The following FLNB variants were observed in gnomAD, a reference collection of about 807,000 sequenced individuals.
The protein encoded by FLNB is filamin B.
Under a neutral mutation model 250.6 loss-of-function variants are expected in FLNB, and 111 were observed. That is an observed-to-expected ratio of 0.44 (90% CI 0.38 to 0.52). The LOEUF (loss-of-function observed/expected upper bound fraction) is 0.52. FLNB is among the 20% of genes least tolerant of loss of function. The pLI is 0.00. For synonymous variants in FLNB, 1,302 were observed against 1,372.1 expected, an observed-to-expected ratio of 0.95 and a Z score of 1.13; for missense variants, 2,869 against 3,447.8, an observed-to-expected ratio of 0.83 and a Z score of 4.20.
intron 36 of FLNB, 134 bp from the exon 37 acceptor site, chr3:58,149,716 G>A (rs897837624): frequency 6.9e-6 from 8 of 1,151,242 alleles, no homozygotes; most frequent in Non-Finnish European, 5.1e-6. Flanking sequence ...CTTTGCAAAC[G>A]AGGCCGCCAT....
At chr3:58,056,288 G>C (rs1264238274) in intron 1 of FLNB, among the ~76,000 whole-genome samples, 1 of 151,500 alleles carries the variant, frequency 6.6e-6, no homozygotes, top group African/African-American at 2.4e-5. Context: ...TTTTAATAGA[G>C]GTGGGGGTTT....
Position 58,031,638 on chromosome 3 carries a change from A to C in FLNB, c.292+22782A>C, listed in dbSNP as rs1365212976. Among the ~76,000 whole-genome samples the C allele has an allele frequency of 4.1e-5, 4 of 98,702 alleles. No individual in the cohort carries two copies. The Admixed American group carries it at 5.3e-4, about 13-fold the overall frequency. 64.8% of individuals were successfully genotyped at this position (98,702 alleles called of 152,430 possible). The stretch of plus-strand genomic sequence containing the variant: ...CTGATAATGGCTCACTGCAGCTTCC[A>C]CCTCCCAGGCTCAAGCAATCCTCCC... On this transcript the variant is annotated intron_variant, in intron 1 of 45. Coordinates refer to ENST00000295956, the MANE Select transcript of FLNB (RefSeq NM_001457.4).
chr3:58,132,611 G>A (rs1432790812), intron 25 of FLNB, 197 bp from the exon 26 acceptor site: 7 of 671,548 alleles, frequency 1.0e-5, no homozygotes, highest in Non-Finnish European at 1.6e-5. Context: ...GGTGTCTCTC[G>A]GGGTCATTTC....
At chr3:58,150,700 T>A in intron 38 of FLNB, 1 of 215,256 alleles carries the variant, frequency 4.6e-6, no homozygotes, top group South Asian at 7.5e-5. Context: ...GGTGAATTGT[T>A]CTTCTTGGGC....
intron 13 of FLNB, 109 bp from the exon 14 acceptor site, chr3:58,109,070 T>C: frequency 7.5e-7 from 1 of 1,329,390 alleles, no homozygotes; most frequent in South Asian, 1.2e-5. Context: ...CCATGAAGTT[T>C]TGTTGTATAA....
chr3:58,093,700 G>C (rs1001564067), intron 4 of FLNB, among the ~76,000 whole-genome samples: 17 of 152,016 alleles, frequency 1.1e-4, no homozygotes, highest in Admixed American at 3.9e-4. Flanking sequence ...ATTGGTAAGA[G>C]ACAACTAGAA....
intron 1 of FLNB, among the ~76,000 whole-genome samples, chr3:58,020,048 GGTGTGTGTGTGTGTGTGTGTGTGTGT>G (rs373280518): frequency 8.8e-5 from 12 of 136,904 alleles, no homozygotes; most frequent in Non-Finnish European, 1.6e-4. Context: ...ACACCACAGG[GGTGTGTGTGTGTGTGTGTGTGTGTGT>G]GTGTGTGTGT....
At chr3:58,141,411 C>T (rs943045869) in intron 29 of FLNB, among the ~76,000 whole-genome samples, 8 of 152,206 alleles carry the variant, frequency 5.3e-5, no homozygotes, top group Admixed American at 2.0e-4. Context: ...ATACTGCTTT[C>T]GCACCTTGCT....
At chr3:58,071,274 CTTTTTTT>C (rs57488190) in intron 1 of FLNB, among the ~76,000 whole-genome samples, 1,775 of 81,712 alleles carry the variant, frequency 0.022, 42 homozygotes, top group African/African-American at 0.099. Context: ...CTCCTCGATT[CTTTTTTT>C]TTTTTTTTTT....
chr3:58,123,511 T>G lies in FLNB; in HGVS notation c.3545T>G (p.Ile1182Ser). The G allele has an allele frequency of 6.2e-7, 1 of 1,604,360 alleles. No homozygotes were observed. The highest frequency in any genetic ancestry group is 8.5e-7 in the Non-Finnish European group (1 of 1,174,894). Residue 1182 changes from isoleucine (I) to serine (S), a missense_variant, in exon 21 of 46, where the codon ATT (isoleucine) becomes AGT (serine). Physicochemically the swap from Ile to Ser is moderately radical, Grantham distance 142 (BLOSUM62 -2). This residue lies in a region of FLNB where 1,348 missense variants were observed against 1,466.7 expected (regional missense o/e 0.92). Transcript: ENST00000295956. ...SDSGTKAEVS[I>S]QNNKDGTYAV... Reference sequence around the variant, plus strand: ...TCGGGAACAAAAGCCGAAGTCAGTATTCAGAACAACAAAGATGGCACCTAC... The same window carrying G: ...TCGGGAACAAAAGCCGAAGTCAGTAGTCAGAACAACAAAGATGGCACCTAC...
chr3:58,121,537 A>T, intron 20 of FLNB, 34 bp downstream of exon 20: 1 of 1,611,704 alleles, frequency 6.2e-7, no homozygotes, highest in Non-Finnish European at 8.5e-7. Context: ...AACTTGTCTC[A>T]TTGCTGTCAA....
rs556885408 is a variant in FLNB at position 58,101,449 on chromosome 3, C to T, written c.1346-754C>T. Among the ~76,000 whole-genome samples the T allele has an allele frequency of 1.6e-4, 25 of 152,310 alleles. No individual in the cohort carries two copies. The South Asian group carries it at 4.8e-3, about 29-fold the overall frequency. ...GGTATCTTTTATCAACCTCTAGATA[C>T]CATGGAACAGTAGTTCTGTGGACAT... On this transcript the variant is annotated intron_variant, in intron 8 of 45. Transcript: ENST00000295956.
rs2097296427 is a variant in FLNB, at chr3:58,125,619, A to G, written c.3937A>G (p.Ile1313Val). The stretch of plus-strand genomic sequence containing the variant: ...GGAGGTGACATATGATGACGTGCCT[A>G]TCCCAAACAGTCCCTTCAAGGTGGC... ...VVEVTYDDVP[I>V]PNSPFKVAVT... The change falls in exon 23 of 46, where the codon ATC becomes GTC. Residue 1313 changes from isoleucine (I) to valine (V), a missense_variant. Physicochemically the swap from Ile to Val is conservative, Grantham distance 29. Around this residue, in one of 5 missense-constraint regions of FLNB, gnomAD observed 1,348 missense variants for 1,466.7 expected, o/e 0.92. Coordinates refer to ENST00000295956, the MANE Select transcript of FLNB (RefSeq NM_001457.4). 6 of 1,614,192 alleles carry G rather than the reference A, an allele frequency of 3.7e-6. No homozygotes were observed. The highest frequency in any genetic ancestry group is 4.2e-6 in the Non-Finnish European group (5 of 1,180,046).
chr3:58,068,378 G>C (rs760900289), intron 1 of FLNB, among the ~76,000 whole-genome samples: 5 of 152,182 alleles, frequency 3.3e-5, no homozygotes, highest in Non-Finnish European at 5.9e-5. Flanking sequence ...GGGCCTCTGG[G>C]GTACCTGAGC....
intron 1 of FLNB, among the ~76,000 whole-genome samples, chr3:58,034,955 C>T (rs1191794578): frequency 6.6e-6 from 1 of 152,208 alleles, no homozygotes; most frequent in African/African-American, 2.4e-5. Context: ...CACATCTCAG[C>T]CCACCACTGG....
intron 1 of FLNB, among the ~76,000 whole-genome samples, chr3:58,065,342 T>C (rs533942424): frequency 6.6e-6 from 1 of 152,312 alleles, no homozygotes; most frequent in South Asian, 2.1e-4. Context: ...ATGGGAGTCA[T>C]AACTGAACTC....
intron 1 of FLNB, among the ~76,000 whole-genome samples, chr3:58,015,131 G>T (rs537354515): frequency 2.6e-5 from 4 of 152,178 alleles, no homozygotes; most frequent in East Asian, 1.9e-4. Context: ...ATTCTAATCC[G>T]CACTCTGCCT....
Position 58,106,769 on chromosome 3 carries a change from C to T in FLNB, c.1837C>T (p.Pro613Ser). The part of the protein sequence containing the change: ...SCDVKYWPKE[P>S]GEYAVHIMCD... ...TGATGTCAAATACTGGCCCAAGGAG[C>T]CTGGCGAATATGCTGTTCACATCAT... The change falls in exon 12 of 46, where the codon CCT becomes TCT. Residue 613 changes from proline (P) to serine (S), a missense_variant. This residue lies in a region of FLNB where 1,348 missense variants were observed against 1,466.7 expected (regional missense o/e 0.92). Coordinates refer to ENST00000295956, the MANE Select transcript of FLNB (RefSeq NM_001457.4). The T allele has an allele frequency of 6.2e-7, 1 of 1,614,136 alleles. No individual in the cohort carries two copies. The highest frequency in any genetic ancestry group is 8.5e-7 in the Non-Finnish European group (1 of 1,180,010).
intron 29 of FLNB, 26 bp from the exon 30 acceptor site, chr3:58,141,832 A>G (rs1478415062): frequency 1.4e-5 from 23 of 1,610,500 alleles, no homozygotes; most frequent in Admixed American, 3.3e-5. Context: ...ATGGTTCCCA[A>G]CTAATCTCCA....
Sources: allele counts gnomAD v4.1 joint callset (sites outside exome capture counted in the v4.1 genomes callset), GRCh38; gene constraint gnomAD v4.1.1; regional missense constraint gnomAD v4.1.1; transcripts MANE v1.5; gene names NCBI Gene and HGNC (gene_info 2026-07-23, HGNC 2026-07-21).